WDHD1: variants seen among roughly 807,000 people sequenced by gnomAD.
WDHD1 encodes the protein WD repeat and HMG-box DNA-binding protein 1.
Under a neutral mutation model 135.4 loss-of-function variants are expected in WDHD1, and 111 were observed. The ratio of observed to expected loss-of-function variants is 0.82; its 90% CI spans 0.70 to 0.96. The LOEUF (loss-of-function observed/expected upper bound fraction) is 0.96. Among genes scored for constraint, WDHD1 ranks in the 40% least tolerant of loss-of-function variants. The probability of loss-of-function intolerance (pLI) is 0.00; values close to 1 mark genes in which losing one functional copy is unlikely to be tolerated. For missense variants in WDHD1, 1,351 were observed against 1,336.3 expected (o/e 1.01, Z -0.17); for synonymous variants, 434 against 439.0 (o/e 0.99, Z 0.14).
In WDHD1 at chr14:54,940,659, C is replaced by T. The variant is rs1343504892; in HGVS notation, c.*831G>A. On this transcript the variant is annotated 3_prime_UTR_variant, in exon 26 of 26. Transcript: ENST00000360586. ...TAACTTTGCTCTCTTCTCAGGCCTT[C>T]AAAGTCTTGCTCAGTAAAGTACTGT... 3 of 152,040 alleles carry T rather than the reference C, an allele frequency of 2.0e-5. No homozygotes were observed. The highest frequency in any genetic ancestry group is 7.2e-5 in the African/African-American group (3 of 41,408). 9.4% of individuals were successfully genotyped at this position (152,040 alleles called of 1,614,324 possible).
At chr14:55,009,618 G>A (rs1172794135) in intron 4 of WDHD1, among the ~76,000 whole-genome samples, 1 of 151,966 alleles carries the variant, frequency 6.6e-6, no homozygotes, top group Non-Finnish European at 1.5e-5. Context: ...TTTTAATAGA[G>A]ACGAGGTTTC....
chr14:54,997,665 C>A (rs1392946331), intron 10 of WDHD1, among the ~76,000 whole-genome samples: 2 of 151,604 alleles, frequency 1.3e-5, no homozygotes, highest in East Asian at 3.9e-4. Flanking sequence ...GTAATCCCAG[C>A]ACTTTGGGAG....
At chr14:54,974,106 A>C (rs1487543480) in intron 16 of WDHD1, among the ~76,000 whole-genome samples, 1 of 151,710 alleles carries the variant, frequency 6.6e-6, no homozygotes, top group African/African-American at 2.4e-5. Flanking sequence ...AAAAAAAAAC[A>C]ATGAAAAACC....
chr14:54,974,176 C>T (rs2041484106), intron 16 of WDHD1, among the ~76,000 whole-genome samples: 1 of 151,392 alleles, frequency 6.6e-6, no homozygotes, highest in African/African-American at 2.4e-5. Context: ...AATCCCAGTA[C>T]ATAAGGAGGC....
intron 21 of WDHD1, among the ~76,000 whole-genome samples, chr14:54,958,813 G>A (rs142318391): frequency 6.6e-6 from 1 of 152,076 alleles, no homozygotes; most frequent in East Asian, 1.9e-4. Flanking sequence ...TTTTCTTTTT[G>A]CTTTACATTC....
chr14:55,005,596 G>T, intron 7 of WDHD1: 1 of 599,144 alleles, frequency 1.7e-6, no homozygotes, highest in Admixed American at 1.9e-5. Context: ...CCATCTGGAA[G>T]ACAAAGCTGG....
chr14:54,958,259 T>C (rs1244420775), intron 21 of WDHD1, among the ~76,000 whole-genome samples: 1 of 151,964 alleles, frequency 6.6e-6, no homozygotes, highest in East Asian at 1.9e-4. Flanking sequence ...CCCGAATTGC[T>C]GGGATTACAG....
Position 54,962,575 on chromosome 14 carries a change from TAATGTA to T in WDHD1, c.2648-30_2648-25del, listed in dbSNP as rs768294222. The T allele has an allele frequency of 6.3e-6, 10 of 1,586,798 alleles. No individual in the cohort carries two copies. The East Asian group carries it at 1.8e-4, about 28-fold the overall frequency. ...TCCTACAGATTAAAATAAAGCAATA[TAATGTA>T]AATGGGGAAAATATAGTCATCCTCA... On this transcript the variant is annotated intron_variant, in intron 20 of 25. Transcript: ENST00000360586.
chr14:54,975,393 G>A (rs1566721340), intron 16 of WDHD1, among the ~76,000 whole-genome samples: 2 of 152,016 alleles, frequency 1.3e-5, no homozygotes, highest in East Asian at 3.9e-4. Flanking sequence ...TGTTGCCCAG[G>A]CTGGAGTACA....
Position 54,991,231 on chromosome 14 carries a change from A to T in WDHD1, c.1323T>A (p.His441Gln). 1 of 1,598,980 alleles carries T rather than the reference A, an allele frequency of 6.3e-7. No individual in the cohort carries two copies. The highest frequency in any genetic ancestry group is 1.7e-4 in the Middle Eastern group (1 of 6,046). The change falls in exon 12 of 26, where the codon CAT (histidine) becomes CAA (glutamine). Residue 441 changes from histidine to glutamine, a missense_variant. His to Gln is a conservative substitution (Grantham distance 24). This residue lies in a region of WDHD1 where 1,330 missense variants were observed against 1,296.1 expected (regional missense o/e 1.03). Transcript: ENST00000360586. ...KPFQSGSTPLHLTHRFMVWNS... is the reference protein window; with the variant it reads ...KPFQSGSTPLQLTHRFMVWNS... ...GTCTTACCATGAATCTGTGAGTGAG[A>T]TGCAACGGTGTAGAACCTGACTGAA...
intron 14 of WDHD1, among the ~76,000 whole-genome samples, chr14:54,986,533 A>G (rs1310237697): frequency 6.6e-6 from 1 of 152,146 alleles, no homozygotes; most frequent in Non-Finnish European, 1.5e-5. Flanking sequence ...AAAAAGACTG[A>G]AAGACCCTGA....
intron 16 of WDHD1, among the ~76,000 whole-genome samples, chr14:54,977,009 G>A (rs1256233944): frequency 6.6e-6 from 1 of 151,848 alleles, no homozygotes; most frequent in Non-Finnish European, 1.5e-5. Context: ...GGTCTTTATA[G>A]GAGAAGTATT....
At chr14:54,989,906 A>G (rs1340309773) in intron 12 of WDHD1, among the ~76,000 whole-genome samples, 1 of 152,082 alleles carries the variant, frequency 6.6e-6, no homozygotes, top group East Asian at 1.9e-4. Context: ...TCAAGTGACC[A>G]ACCCACCTTG....
chr14:54,957,476 AC>A (rs2041179600), intron 22 of WDHD1, 115 bp downstream of exon 22: 1 of 995,584 alleles, frequency 1.0e-6, no homozygotes, highest in Non-Finnish European at 1.5e-6. Context: ...TTCTGTTTCC[AC>A]ACAGATCAGT....
At chr14:54,967,772 C>T (rs1299216100) in intron 16 of WDHD1, among the ~76,000 whole-genome samples, 1 of 152,120 alleles carries the variant, frequency 6.6e-6, no homozygotes, top group Non-Finnish European at 1.5e-5. Context: ...AGATATATGC[C>T]ACCATGCCTG....
At chr14:55,005,160 T>A (rs528197220) in intron 7 of WDHD1, 1 of 539,398 alleles carries the variant, frequency 1.9e-6, no homozygotes, top group South Asian at 1.4e-5. Context: ...TGGATCGGCA[T>A]CCACCACATC....
At chr14:54,981,393 G>A in intron 16 of WDHD1, 147 bp downstream of exon 16, 1 of 718,254 alleles carries the variant, frequency 1.4e-6, no homozygotes, top group Non-Finnish European at 2.2e-6. Context: ...ACTTCAGAGT[G>A]AATATGAACA....
At chr14:54,987,751 C>T (rs533805988) in intron 13 of WDHD1, among the ~76,000 whole-genome samples, 6 of 152,260 alleles carry the variant, frequency 3.9e-5, no homozygotes, top group East Asian at 1.9e-4. Flanking sequence ...CTCAGCCTCC[C>T]GAGTAGCTGG....
chr14:54,991,382 G>C lies in WDHD1; in HGVS notation c.1172C>G (p.Thr391Ser), dbSNP rs746746117. 6.2e-7 allele frequency: 1 copy of C among 1,613,842 alleles called. No individual in the cohort carries two copies. Among genetic ancestry groups the C allele is most frequent in the South Asian group, 1.1e-5 (1 of 91,020 alleles). ...CTCCTCTTTGAGAAGACTAGAACCA[G>C]TTTTTAGCATTGAAATATCTACAAC... ...ENSVDISMLKTGSSLLKEEEE... is the reference protein window; with the variant it reads ...ENSVDISMLKSGSSLLKEEEE... The change falls in exon 12 of 26, where the codon ACT becomes AGT. Residue 391 changes from threonine (T) to serine (S), a missense_variant. By Grantham distance (58) the Thr-to-Ser change is moderately conservative. Transcript: ENST00000360586.
Sources: gnomAD v4.1 joint callset for allele counts (sites outside exome capture counted in the v4.1 genomes callset) on GRCh38, gnomAD v4.1.1 for gene constraint, gnomAD v4.1.1 regional missense constraint, MANE v1.5 for transcripts, NCBI Gene and HGNC (gene_info 2026-07-23, HGNC 2026-07-21) for gene names.